The following IRAG2 variants were observed in gnomAD, a reference collection of about 807,000 sequenced individuals.
The protein encoded by IRAG2 is lymphoid restricted membrane protein.
Under a neutral mutation model 69.9 loss-of-function variants are expected in IRAG2, and 45 were observed. The observed-to-expected ratio is 0.64, with a 90% CI of 0.51 to 0.83. IRAG2 has a LOEUF of 0.83. Among genes scored for constraint, IRAG2 ranks in the 40% least tolerant of loss-of-function variants. IRAG2 has a pLI of 0.00. For missense variants in IRAG2, 520 were observed against 587.0 expected (o/e 0.89, Z 1.18); for synonymous variants, 193 against 202.4 (o/e 0.95, Z 0.40).
intron 14 of IRAG2, among the ~76,000 whole-genome samples, chr12:25,092,564 C>CAA (rs55719913): frequency 3.9e-5 from 4 of 101,768 alleles, no homozygotes; most frequent in African/African-American, 1.2e-4. Flanking sequence ...GACTCTATCT[C>CAA]AAAAAAAAAA....
At chr12:25,020,418 A>G (rs1256103349) in intron 6 of IRAG2, among the ~76,000 whole-genome samples, 1 of 152,248 alleles carries the variant, frequency 6.6e-6, no homozygotes, top group Admixed American at 6.5e-5. Flanking sequence ...TGCATTGTAG[A>G]GCACCTAGAA....
chr12:25,022,397 G>A (rs1944588617), intron 7 of IRAG2, among the ~76,000 whole-genome samples: 1 of 152,144 alleles, frequency 6.6e-6, no homozygotes, highest in Non-Finnish European at 1.5e-5. Flanking sequence ...GGGAGGCTGA[G>A]GTGGGAGGAT....
Position 25,108,140 on chromosome 12 carries a change from G to GA in IRAG2, c.*83dup. 6 of 1,490,566 alleles carry GA rather than the reference G, an allele frequency of 4.0e-6. No individual in the cohort carries two copies. The highest frequency in any genetic ancestry group is 5.5e-6 in the Non-Finnish European group (6 of 1,096,232). The allele number at this position is 1,490,566 out of a possible 1,614,324, so 92.3% of individuals were successfully genotyped here. The stretch of plus-strand genomic sequence containing the variant: ...TCGTAAATTAGTAACTTTTAGCTGG[G>GA]AAAGTATAGCATGAAACCAGAGGTT... On this transcript the variant is annotated 3_prime_UTR_variant, in exon 22 of 22. Coordinates refer to ENST00000556887, the MANE Select transcript of IRAG2 (RefSeq NM_001366544.2).
chr12:25,079,536 C>T, intron 8 of IRAG2, 74 bp downstream of exon 8: 1 of 1,414,554 alleles, frequency 7.1e-7, no homozygotes, highest in Non-Finnish European at 1.0e-6. Flanking sequence ...CTGTGACCTG[C>T]TGGGGTGTGA....
At position 25,052,714 on chromosome 12, in the gene IRAG2, C is replaced by T. The variant is rs1021847254; in HGVS notation, c.-689C>T. 9 of 398,136 alleles carry T rather than the reference C, an allele frequency of 2.3e-5. No homozygotes were observed. Among genetic ancestry groups the T allele is most frequent in the Non-Finnish European group, 4.4e-6 (1 of 226,026 alleles). The allele number at this position is 398,136 out of a possible 1,614,324, so 24.7% of individuals were successfully genotyped here. A position where few individuals can be genotyped will look rare whatever the true frequency, so the allele number is the denominator to read the frequency against. Reference sequence around the variant, plus strand: ...AAGAAAAACACATTTTCAGTTTTGCCTGCATCATAAGAGTGAGCACTCCAT... The same window carrying T: ...AAGAAAAACACATTTTCAGTTTTGCTTGCATCATAAGAGTGAGCACTCCAT... On this transcript the variant is annotated 5_prime_UTR_variant, in exon 1 of 22. Transcript: ENST00000556887.
intron 8 of IRAG2, among the ~76,000 whole-genome samples, chr12:25,025,933 G>A (rs1289742689): frequency 6.6e-6 from 1 of 152,148 alleles, no homozygotes; most frequent in Non-Finnish European, 1.5e-5. Context: ...AAATGAGCTA[G>A]GGGTTCGAAA....
At chr12:25,074,069 C>T (rs1946508072) in intron 6 of IRAG2, among the ~76,000 whole-genome samples, 2 of 151,680 alleles carry the variant, frequency 1.3e-5, no homozygotes, top group South Asian at 2.1e-4. Flanking sequence ...TACTTATTAG[C>T]TGTGTGAACT....
chr12:25,004,610 A>T (rs1944416937), exon 1 of IRAG2: 2 of 1,232,114 alleles, frequency 1.6e-6, no homozygotes, highest in Non-Finnish European at 2.0e-6. Flanking sequence ...TCATCGCCTC[A>T]AATAATATCT....
intron 16 of IRAG2, among the ~76,000 whole-genome samples, chr12:25,045,150 C>T (rs1335033677): frequency 6.6e-6 from 1 of 151,866 alleles, no homozygotes; most frequent in Non-Finnish European, 1.5e-5. Context: ...CAACAGACTC[C>T]TGAACAACAA....
rs563785819 is a variant in IRAG2 at position 25,054,311 on chromosome 12, G to T, written c.-447+1355G>T. Reference sequence around the variant, plus strand: ...TTCATGTTGAGACATGAATCATAAGGCATTCCAAAGTTGGTTTAAGGTGTG... The same window carrying T: ...TTCATGTTGAGACATGAATCATAAGTCATTCCAAAGTTGGTTTAAGGTGTG... On this transcript the variant is annotated intron_variant, in intron 1 of 21. Transcript: ENST00000556887. 2.3e-3 allele frequency among the ~76,000 whole-genome samples: 352 copies of T among 152,254 alleles called. 2 individuals carry two copies. The highest frequency in any genetic ancestry group is 7.9e-3 in the African/African-American group (330 of 41,542).
chr12:25,091,245 T>C (rs7964195), intron 14 of IRAG2: 52,436 of 154,836 alleles, frequency 0.34, 9,581 homozygotes, highest in African/African-American at 0.46. Context: ...ACTCTGTACC[T>C]GTTAATTTCC....
chr12:25,019,434 G>A (rs1191528463), intron 6 of IRAG2, among the ~76,000 whole-genome samples: 3 of 152,138 alleles, frequency 2.0e-5, no homozygotes, highest in Non-Finnish European at 4.4e-5. Context: ...AGGGGATGGT[G>A]TGGAAAGATA....
intron 6 of IRAG2, among the ~76,000 whole-genome samples, chr12:25,077,849 T>C (rs1292933839): frequency 1.3e-5 from 2 of 152,150 alleles, no homozygotes; most frequent in Non-Finnish European, 1.5e-5. Flanking sequence ...ACCAACATCA[T>C]TGATGCAGAA....
chr12:25,071,461 G>T (rs1222086221), intron 6 of IRAG2, among the ~76,000 whole-genome samples: 1 of 152,140 alleles, frequency 6.6e-6, no homozygotes, highest in Non-Finnish European at 1.5e-5. Context: ...CAGGATGTTT[G>T]GTTATTAGTA....
At position 25,041,672 on chromosome 12, in the gene IRAG2, G is replaced by T. The variant is rs74640467; in HGVS notation, c.2144+3535G>T. Among the ~76,000 whole-genome samples, 524 of 134,878 alleles carry T rather than the reference G, an allele frequency of 3.9e-3. 9 individuals carry two copies. The East Asian group carries it at 0.047, about 12-fold the overall frequency. 88.5% of individuals were successfully genotyped at this position (134,878 alleles called of 152,430 possible). ...GCTCCGCTAAGTTTTGTTTTTTTTT[G>T]TTTTTTTTTTTTTCAGTAGAGATGG... On this transcript the variant is annotated intron_variant, in intron 16 of 38. Transcript: ENST00000636465.
At chr12:25,096,792 A>C in intron 14 of IRAG2, 118 bp from the exon 15 acceptor site, 1 of 744,338 alleles carries the variant, frequency 1.3e-6, no homozygotes, top group Non-Finnish European at 2.2e-6. Context: ...GCTTCTTTTC[A>C]TCTTCCACCG....
chr12:25,081,256 A>G (rs1041317525), intron 9 of IRAG2, among the ~76,000 whole-genome samples: 1 of 152,198 alleles, frequency 6.6e-6, no homozygotes, highest in African/African-American at 2.4e-5. Context: ...AGGTCAGAAG[A>G]TCGAGGGACC....
chr12:25,058,003 A>G (rs1377606342), intron 1 of IRAG2, among the ~76,000 whole-genome samples: 17 of 152,154 alleles, frequency 1.1e-4, no homozygotes, highest in Admixed American at 1.0e-3. Flanking sequence ...CTGTTATTGG[A>G]TATCTGCAGT....
intron 10 of IRAG2, among the ~76,000 whole-genome samples, chr12:25,084,858 T>C (rs187376772): frequency 3.3e-5 from 5 of 152,312 alleles, no homozygotes; most frequent in Admixed American, 6.5e-5. Context: ...GTCTCTTATA[T>C]AAAAATTGCA....
Sources: allele counts gnomAD v4.1 joint callset (sites outside exome capture counted in the v4.1 genomes callset), GRCh38; gene constraint gnomAD v4.1.1; transcripts MANE v1.5; gene names NCBI Gene and HGNC (gene_info 2026-07-23, HGNC 2026-07-21).